PLCE1: variants seen among roughly 807,000 people sequenced by gnomAD.
PLCE1 encodes phospholipase C epsilon 1.
Under a neutral mutation model 242.8 loss-of-function variants are expected in PLCE1, and 119 were observed. The ratio of observed to expected loss-of-function variants is 0.49; its 90% CI spans 0.42 to 0.57. The LOEUF (loss-of-function observed/expected upper bound fraction) is 0.57, where lower values mean the gene tolerates loss of function less well. PLCE1 is among the 20% of genes least tolerant of loss of function. The pLI is 0.00. For missense variants in PLCE1, 2,441 were observed against 2,788.8 expected (o/e 0.88, Z 2.81); for synonymous variants, 945 against 1,017.4 (o/e 0.93, Z 1.35).
chr10:94,301,352 A>C (rs1331364881), intron 24 of PLCE1, among the ~76,000 whole-genome samples: 3 of 152,096 alleles, frequency 2.0e-5, no homozygotes, highest in Admixed American at 2.0e-4. Context: ...TCAAAAAAAA[A>C]AAGAAAAAGA....
At chr10:93,994,372 T>C (rs1007553374) in intron 1 of PLCE1, among the ~76,000 whole-genome samples, 114 bp downstream of exon 1, 1 of 152,176 alleles carries the variant, frequency 6.6e-6, no homozygotes, top group Non-Finnish European at 1.5e-5. Context: ...TCCGCGTACC[T>C]GGCGGAAAAG....
chr10:94,134,137 G>C (rs567349372), intron 3 of PLCE1, among the ~76,000 whole-genome samples: 1 of 145,644 alleles, frequency 6.9e-6, no homozygotes, highest in South Asian at 2.2e-4. Flanking sequence ...GTCTTACTCT[G>C]TCACCCAGGC....
chr10:94,278,437 G>A (rs1217501187), intron 19 of PLCE1, among the ~76,000 whole-genome samples: 6 of 151,984 alleles, frequency 3.9e-5, no homozygotes, highest in South Asian at 2.1e-4. Flanking sequence ...CACAGTTGTC[G>A]CTAATATCTC....
intron 18 of PLCE1, among the ~76,000 whole-genome samples, chr10:94,271,301 A>T (rs988005299): frequency 2.1e-5 from 3 of 141,316 alleles, no homozygotes; most frequent in African/African-American, 2.7e-5. Flanking sequence ...ATAGGAGAAG[A>T]TCATCTTTTT....
intron 2 of PLCE1, among the ~76,000 whole-genome samples, chr10:94,054,453 T>G (rs2043846618): frequency 6.6e-6 from 1 of 152,168 alleles, no homozygotes; most frequent in South Asian, 2.1e-4. Context: ...ATCAGCCTGC[T>G]GAAAGGGAAG....
At chr10:94,242,227 G>GAAGT (rs1400198478) in intron 7 of PLCE1, among the ~76,000 whole-genome samples, 4 of 152,098 alleles carry the variant, frequency 2.6e-5, no homozygotes, top group African/African-American at 9.7e-5. Context: ...TTTTTATTAT[G>GAAGT]AAGTAACATT....
In PLCE1 at chr10:94,171,210, C is replaced by A. The variant is rs769308791; in HGVS notation, c.1523C>A (p.Ser508Tyr). 6.2e-7 allele frequency: 1 copy of A among 1,614,192 alleles called. No individual in the cohort carries two copies. The highest frequency in any genetic ancestry group is 8.5e-7 in the Non-Finnish European group (1 of 1,180,018). The stretch of plus-strand genomic sequence containing the variant: ...CAGCCAGGCCCCTCTGTGGCCAATT[C>A]CAATGCCCTCCCTTCAAGTTCAGCT... ...ERQPGPSVANSNALPSSSAGI... is the reference protein window; with the variant it reads ...ERQPGPSVANYNALPSSSAGI... The change falls in exon 4 of 33, where the codon TCC becomes TAC. Residue 508 changes from serine to tyrosine, a missense_variant. Physicochemically the swap from Ser to Tyr is moderately radical, Grantham distance 144 (BLOSUM62 -2). Around this residue, in one of 5 missense-constraint regions of PLCE1, gnomAD observed 733 missense variants for 754.2 expected, o/e 0.97. Transcript: ENST00000371380.
intron 2 of PLCE1, among the ~76,000 whole-genome samples, chr10:94,079,353 A>G (rs1363203272): frequency 1.3e-5 from 2 of 152,188 alleles, no homozygotes; most frequent in Admixed American, 6.5e-5. Context: ...AAATTAGGGA[A>G]AAGCATTGAG....
chr10:94,222,425 C>T (rs151220924), intron 4 of PLCE1, among the ~76,000 whole-genome samples: 2 of 152,234 alleles, frequency 1.3e-5, no homozygotes, highest in Non-Finnish European at 2.9e-5. Flanking sequence ...GACAGGTCAC[C>T]GACACTGCTG....
At chr10:94,294,767 G>A (rs535793459) in intron 23 of PLCE1, among the ~76,000 whole-genome samples, 5 of 152,234 alleles carry the variant, frequency 3.3e-5, no homozygotes, top group African/African-American at 1.2e-4. Flanking sequence ...CATCAGGGGG[G>A]TGGTTGCTGA....
chr10:93,995,518 C>T (rs1044859278), intron 1 of PLCE1, among the ~76,000 whole-genome samples: 1 of 152,164 alleles, frequency 6.6e-6, no homozygotes, highest in African/African-American at 2.4e-5. Flanking sequence ...TTTGCTGTGG[C>T]TTTCATGGCA....
chr10:94,255,956 T>TCTCTCTCC (rs2051075950), intron 11 of PLCE1, among the ~76,000 whole-genome samples: 1 of 118,532 alleles, frequency 8.4e-6, no homozygotes, highest in South Asian at 2.9e-4. Context: ...TCTCTCTCTC[T>TCTCTCTCC]CCCCACCCCT....
chr10:94,176,521 C>A (rs1283965697), intron 4 of PLCE1, among the ~76,000 whole-genome samples: 1 of 152,084 alleles, frequency 6.6e-6, no homozygotes, highest in African/African-American at 2.4e-5. Context: ...ATGTTATAAG[C>A]CCATACTTTG....
At position 94,270,649 on chromosome 10, in the gene PLCE1, G is replaced by T. The variant is rs1157169410; in HGVS notation, c.4506+47G>T. Reference sequence around the variant, plus strand: ...AGGATGGTATGTTGGCCCTTGTTTTGCAATTGTCATTGGGTTGTTTTGTTT... The same window carrying T: ...AGGATGGTATGTTGGCCCTTGTTTTTCAATTGTCATTGGGTTGTTTTGTTT... On this transcript the variant is annotated intron_variant, in intron 18 of 32. Coordinates refer to ENST00000371380, the MANE Select transcript of PLCE1 (RefSeq NM_016341.4). The T allele has an allele frequency of 3.6e-6, 4 of 1,126,752 alleles. No homozygotes were observed. The African/African-American group carries it at 4.6e-5, about 13-fold the overall frequency. 69.8% of individuals were successfully genotyped at this position (1,126,752 alleles called of 1,614,324 possible). A position where few individuals can be genotyped will look rare whatever the true frequency, so the allele number is the denominator to read the frequency against.
rs771965999 is a variant in PLCE1 at position 94,298,679 on chromosome 10, C to T, written c.5458+10C>T. The T allele has an allele frequency of 1.9e-6, 3 of 1,613,874 alleles. No homozygotes were observed. The highest frequency in any genetic ancestry group is 2.2e-5 in the South Asian group (2 of 91,074). The stretch of plus-strand genomic sequence containing the variant: ...AACTACCAGACTGATGGTAAGGGGC[C>T]TGCATGCTCACCTCGCTCCTTTGCA... On this transcript the variant is annotated intron_variant, in intron 24 of 32. Coordinates refer to ENST00000371380, the MANE Select transcript of PLCE1 (RefSeq NM_016341.4). This position sits in a 1 kb window ranked among gnomAD's most constrained non-coding sequence, Gnocchi z 5.2.
chr10:94,127,060 C>A (rs1401102436), intron 2 of PLCE1, among the ~76,000 whole-genome samples: 1 of 152,202 alleles, frequency 6.6e-6, no homozygotes, highest in Non-Finnish European at 1.5e-5. Flanking sequence ...TCTAGGCTTA[C>A]TTTCCCATCT....
intron 2 of PLCE1, among the ~76,000 whole-genome samples, chr10:94,038,181 T>G (rs1004779382): frequency 6.6e-6 from 1 of 151,832 alleles, no homozygotes. Context: ...CTTAAGGGAG[T>G]CCTGGGGTTA....
rs11463084 is a variant in PLCE1, at chr10:94,062,608, T to TGTTTTG, written c.1206+30356_1206+30357insGTTTTG. On this transcript the variant is annotated intron_variant, in intron 2 of 32. Transcript: ENST00000371380. ...TTTTTTTTTTTGTTTTGTTTTGTTT[T>TGTTTTG]TTTTTTTAGATCTCAGAGAGAATGC... Among the ~76,000 whole-genome samples the TGTTTTG allele has an allele frequency of 7.8e-4, 114 of 146,836 alleles. No homozygotes were observed. The South Asian group carries it at 0.014, about 18-fold the overall frequency.
intron 19 of PLCE1, among the ~76,000 whole-genome samples, chr10:94,278,995 C>T (rs1038117183): frequency 6.6e-6 from 1 of 151,934 alleles, no homozygotes; most frequent in Admixed American, 6.6e-5. Context: ...AAATATATAT[C>T]AATTATTTTT....
Sources: allele counts gnomAD v4.1 joint callset (sites outside exome capture counted in the v4.1 genomes callset), GRCh38; gene constraint gnomAD v4.1.1; regional missense constraint gnomAD v4.1.1; non-coding constraint Gnocchi (gnomAD v3.1); transcripts MANE v1.5; gene names NCBI Gene and HGNC (gene_info 2026-07-23, HGNC 2026-07-21).